The following CSMD1 variants were observed in gnomAD, a reference collection of about 807,000 sequenced individuals.
CSMD1 encodes the protein CUB and sushi domain-containing protein 1.
A neutral mutation model predicts 417.5 loss-of-function variants in CSMD1; 213 were observed. That is an observed-to-expected ratio of 0.51 (90% CI 0.46 to 0.57). The LOEUF (loss-of-function observed/expected upper bound fraction) is 0.57, where lower values mean the gene tolerates loss of function less well. Among genes scored for constraint, CSMD1 ranks in the 20% least tolerant of loss-of-function variants. The pLI, the probability that CSMD1 is intolerant of heterozygous loss-of-function variation, is 0.00. For synonymous variants in CSMD1, 2,862 were observed against 1,736.8 expected, an observed-to-expected ratio of 1.65 and a Z score of -16.11; for missense variants, 6,923 against 4,529.7, an observed-to-expected ratio of 1.53 and a Z score of -15.17.
chr8:3,411,711 T>TAC (rs1812721886), intron 12 of CSMD1, among the ~76,000 whole-genome samples: 1 of 130,050 alleles, frequency 7.7e-6, no homozygotes, highest in African/African-American at 2.8e-5. Context: ...TATATACACG[T>TAC]ATATATACAC....
At chr8:3,308,884 C>T (rs946513783) in intron 23 of CSMD1, among the ~76,000 whole-genome samples, 1 of 151,936 alleles carries the variant, frequency 6.6e-6, no homozygotes. Context: ...CCACCATGTC[C>T]AGCTAATTTT....
intron 3 of CSMD1, among the ~76,000 whole-genome samples, chr8:4,111,484 G>A (rs13268022): frequency 0.13 from 19,110 of 152,202 alleles, 1,432 homozygotes; most frequent in South Asian, 0.34. Context: ...GTTCATTGCA[G>A]CACTATCCAC....
At chr8:4,057,225 C>A (rs7823405) in intron 3 of CSMD1, among the ~76,000 whole-genome samples, 136,162 of 150,970 alleles carry the variant, frequency 0.9, 61,511 homozygotes, top group East Asian at 0.99. Context: ...GATTGCCATT[C>A]TAACTGGTGT....
chr8:3,297,913 T>G (rs1324689816), intron 25 of CSMD1, among the ~76,000 whole-genome samples: 2 of 152,026 alleles, frequency 1.3e-5, no homozygotes, highest in African/African-American at 2.4e-5. Flanking sequence ...AAGAAATCAT[T>G]TCAGTATAAA....
intron 1 of CSMD1, among the ~76,000 whole-genome samples, chr8:4,797,355 G>T (rs191906387): frequency 6.6e-6 from 1 of 152,174 alleles, no homozygotes; most frequent in Non-Finnish European, 1.5e-5. Context: ...AGGAGAAAGG[G>T]AGCATCTGTG....
chr8:2,992,618 G>T (rs531859326), intron 54 of CSMD1, among the ~76,000 whole-genome samples: 7 of 152,006 alleles, frequency 4.6e-5, no homozygotes, highest in South Asian at 4.2e-4. Context: ...TAGAGAGGGG[G>T]GTTTCACCAT....
intron 6 of CSMD1, among the ~76,000 whole-genome samples, chr8:3,721,730 A>T (rs1802186109): frequency 6.6e-6 from 1 of 152,206 alleles, no homozygotes; most frequent in African/African-American, 2.4e-5. Flanking sequence ...TGGGGTGAAA[A>T]ATAAAGGAAC....
At chr8:3,116,007 G>A (rs144178866) in intron 42 of CSMD1, among the ~76,000 whole-genome samples, 2 of 152,306 alleles carry the variant, frequency 1.3e-5, no homozygotes, top group East Asian at 1.9e-4. Flanking sequence ...GTTGTCAGCA[G>A]TGTTTACCGC....
chr8:4,164,332 A>T (rs950980185), intron 3 of CSMD1, among the ~76,000 whole-genome samples: 6 of 152,186 alleles, frequency 3.9e-5, no homozygotes, highest in African/African-American at 1.4e-4. Flanking sequence ...AAACATATCT[A>T]AATAGTATTC....
At chr8:4,987,239 G>T (rs948158385) in intron 1 of CSMD1, among the ~76,000 whole-genome samples, 3 of 152,260 alleles carry the variant, frequency 2.0e-5, no homozygotes, top group South Asian at 2.1e-4. Context: ...CATGGAATTT[G>T]CATTGAATCA....
chr8:3,959,561 CAT>C (rs1812185727), intron 5 of CSMD1, among the ~76,000 whole-genome samples: 1 of 152,276 alleles, frequency 6.6e-6, no homozygotes, highest in African/African-American at 2.4e-5. Flanking sequence ...AAAGAGTTCC[CAT>C]AGTTTTTGTC....
At chr8:2,940,730 T>A (rs1486461352) in intron 69 of CSMD1, among the ~76,000 whole-genome samples, 1 of 152,228 alleles carries the variant, frequency 6.6e-6, no homozygotes, top group Non-Finnish European at 1.5e-5. Flanking sequence ...TGTGGGGTTA[T>A]CTTTTTAAAG....
intron 5 of CSMD1, among the ~76,000 whole-genome samples, chr8:3,993,985 C>A (rs377685145): frequency 3.7e-4 from 56 of 152,200 alleles, no homozygotes; most frequent in African/African-American, 1.3e-3. Context: ...TTCACAGGGG[C>A]AAACTGCAAG....
At chr8:3,629,942 T>C (rs1335982653) in intron 7 of CSMD1, among the ~76,000 whole-genome samples, 1 of 152,246 alleles carries the variant, frequency 6.6e-6, no homozygotes, top group Non-Finnish European at 1.5e-5. Context: ...GTTTGTTGCC[T>C]ACAGTCTTAT....
intron 3 of CSMD1, among the ~76,000 whole-genome samples, chr8:4,343,219 G>GATA (rs1230710398): frequency 6.6e-6 from 1 of 152,084 alleles, no homozygotes; most frequent in Non-Finnish European, 1.5e-5. Flanking sequence ...AAGCACATAT[G>GATA]ATAATCAAAT....
intron 3 of CSMD1, among the ~76,000 whole-genome samples, chr8:4,035,405 C>T (rs934731917): frequency 1.7e-4 from 26 of 152,006 alleles, no homozygotes; most frequent in Admixed American, 7.9e-4. Context: ...AAAAAAATTA[C>T]GATTTTACTG....
chr8:4,087,744 C>G (rs1800494305), intron 3 of CSMD1, among the ~76,000 whole-genome samples: 1 of 152,180 alleles, frequency 6.6e-6, no homozygotes, highest in Non-Finnish European at 1.5e-5. Flanking sequence ...TTCTGTCTCT[C>G]CCGTTCTCTT....
At chr8:4,975,401 C>A (rs555429892) in intron 1 of CSMD1, among the ~76,000 whole-genome samples, 2 of 152,144 alleles carry the variant, frequency 1.3e-5, no homozygotes, top group African/African-American at 2.4e-5. Flanking sequence ...TGGCTGTAAG[C>A]GGCCTTATTG....
chr8:3,046,758 G>A (rs62490530), intron 50 of CSMD1, among the ~76,000 whole-genome samples: 39,061 of 152,106 alleles, frequency 0.26, 5,736 homozygotes, highest in East Asian at 0.36. Flanking sequence ...AGAGGTTTCT[G>A]TGATGCCCAG....
Sources: allele counts gnomAD v4.1 joint callset (sites outside exome capture counted in the v4.1 genomes callset), GRCh38; gene constraint gnomAD v4.1.1; transcripts MANE v1.5; gene names NCBI Gene and HGNC (gene_info 2026-07-23, HGNC 2026-07-21).